The following METAP1 variants were observed in gnomAD, a reference collection of about 807,000 sequenced individuals.
METAP1 encodes the protein methionyl aminopeptidase 1.
In METAP1, 28 loss-of-function variants were observed where a neutral mutation model predicts 53.8. The observed-to-expected ratio is 0.52, with a 90% CI of 0.39 to 0.71. The LOEUF is 0.71. METAP1 is among the 30% of genes least tolerant of loss of function. The pLI is 0.00. For missense variants in METAP1, 389 were observed against 479.8 expected (o/e 0.81, Z 1.77); for synonymous variants, 181 against 165.7 (o/e 1.09, Z -0.71).
At chr4:99,012,137 G>A (rs1723504586) in intron 1 of METAP1, among the ~76,000 whole-genome samples, 1 of 151,978 alleles carries the variant, frequency 6.6e-6, no homozygotes, top group African/African-American at 2.4e-5. Flanking sequence ...CTGGCCTCAG[G>A]CAGTCCTTCC....
intron 1 of METAP1, chr4:99,025,541 T>A (rs1724500588): frequency 2.3e-5 from 20 of 885,524 alleles, no homozygotes; most frequent in Non-Finnish European, 2.7e-5. Context: ...AAGAAAAGCA[T>A]TTCACAGGAT....
chr4:99,045,641 C>G (rs1019595191), intron 8 of METAP1, among the ~76,000 whole-genome samples: 1 of 152,088 alleles, frequency 6.6e-6, no homozygotes, highest in African/African-American at 2.4e-5. Context: ...ATTATGTTCT[C>G]CTCATAAAAA....
At chr4:99,013,717 A>G (rs1239078278) in intron 1 of METAP1, among the ~76,000 whole-genome samples, 1 of 152,202 alleles carries the variant, frequency 6.6e-6, no homozygotes, top group Non-Finnish European at 1.5e-5. Context: ...AGGACAAAGA[A>G]AAGAGGAAGT....
chr4:99,016,559 C>T (rs2110295923), intron 1 of METAP1, among the ~76,000 whole-genome samples: 1 of 152,282 alleles, frequency 6.6e-6, no homozygotes, highest in Non-Finnish European at 1.5e-5. Flanking sequence ...TCAATTAAGG[C>T]CGTCACTATA....
chr4:99,043,994 G>A (rs1726048734), intron 7 of METAP1, among the ~76,000 whole-genome samples: 1 of 152,092 alleles, frequency 6.6e-6, no homozygotes, highest in South Asian at 2.1e-4. Context: ...GTGCAGGGGC[G>A]CCACCATGGC....
At chr4:98,999,055 C>T (rs1722791561) in intron 1 of METAP1, among the ~76,000 whole-genome samples, 1 of 151,294 alleles carries the variant, frequency 6.6e-6, no homozygotes, top group Admixed American at 6.5e-5. Flanking sequence ...GATCCACCCT[C>T]CTTGGCCTCC....
At chr4:99,043,420 G>T (rs753784432) in intron 7 of METAP1, 33 bp downstream of exon 7, 33 of 1,554,956 alleles carry the variant, frequency 2.1e-5, no homozygotes, top group Non-Finnish European at 2.9e-5. Flanking sequence ...ATCACCATGG[G>T]CAAAGAAACA....
Position 99,031,471 on chromosome 4 carries a change from C to A in METAP1, c.166+2553C>A, listed in dbSNP as rs1336935292. On this transcript the variant is annotated intron_variant, in intron 2 of 10. Coordinates refer to ENST00000296411, the MANE Select transcript of METAP1 (RefSeq NM_015143.3). ...TAATACTTTTCCTTCCACTCCCCTA[C>A]CCATTCACACTAGTGTGCCTGATTT... is the stretch of plus-strand genomic sequence containing the variant. The A allele has an allele frequency of 3.9e-6, 5 of 1,284,452 alleles. No individual in the cohort carries two copies. In the South Asian group the frequency reaches 6.2e-5, roughly 16 times the overall value. The allele number at this position is 1,284,452 out of a possible 1,614,324, so 79.6% of individuals were successfully genotyped here.
At chr4:99,046,620 C>G (rs1238172470) in intron 8 of METAP1, among the ~76,000 whole-genome samples, 3 of 152,040 alleles carry the variant, frequency 2.0e-5, no homozygotes, top group Non-Finnish European at 4.4e-5. Context: ...ATACAGTTAT[C>G]TCTAATAATG....
intron 10 of METAP1, among the ~76,000 whole-genome samples, chr4:99,059,625 G>T (rs62325212): frequency 0.022 from 3,292 of 152,124 alleles, 46 homozygotes; most frequent in Non-Finnish European, 0.034. Flanking sequence ...AAGAAAGCTC[G>T]CAAATACATC....
intron 4 of METAP1, among the ~76,000 whole-genome samples, chr4:99,036,994 T>C (rs989569784): frequency 6.6e-6 from 1 of 152,062 alleles, no homozygotes; most frequent in Non-Finnish European, 1.5e-5. Context: ...GTTACAAAGC[T>C]TTATGATCTT....
At chr4:98,996,272 A>C (rs962083253) in intron 1 of METAP1, among the ~76,000 whole-genome samples, 1 of 152,322 alleles carries the variant, frequency 6.6e-6, no homozygotes, top group South Asian at 2.1e-4. Flanking sequence ...GAGCCTCCAC[A>C]TCCGCAGCAC....
At chr4:99,006,998 C>T (rs1723207509) in intron 1 of METAP1, among the ~76,000 whole-genome samples, 1 of 150,358 alleles carries the variant, frequency 6.7e-6, no homozygotes, top group Admixed American at 6.6e-5. Flanking sequence ...CATTCTGTTG[C>T]CCAGGCTACA....
chr4:99,037,329 T>C (rs1725503500), intron 4 of METAP1, among the ~76,000 whole-genome samples: 1 of 151,994 alleles, frequency 6.6e-6, no homozygotes, highest in South Asian at 2.1e-4. Context: ...TTATCAGTGT[T>C]TTATTTTACA....
intron 4 of METAP1, among the ~76,000 whole-genome samples, chr4:99,037,280 CATTT>C (rs1725500210): frequency 6.6e-6 from 1 of 151,810 alleles, no homozygotes; most frequent in Non-Finnish European, 1.5e-5. Context: ...TTTGTCATTA[CATTT>C]ATTACAGATT....
In METAP1 at chr4:98,997,338, A is replaced by G. The variant is rs149031702; in HGVS notation, c.114+1471A>G. On this transcript the variant is annotated intron_variant, in intron 1 of 10. Coordinates refer to ENST00000296411, the MANE Select transcript of METAP1 (RefSeq NM_015143.3). ...GACCTTGTTAGTATAATTTGGAAAA[A>G]CTTGCACGTGGAGGAGTGTTGCTTG... The G allele has an allele frequency of 6.2e-3, 941 of 152,986 alleles. 7 individuals are homozygous for G. The highest frequency in any genetic ancestry group is 6.4e-3 in the African/African-American group (267 of 41,578). 9.5% of individuals were successfully genotyped at this position (152,986 alleles called of 1,614,324 possible).
At chr4:99,042,735 A>G (rs1725966265) in intron 6 of METAP1, among the ~76,000 whole-genome samples, 1 of 152,164 alleles carries the variant, frequency 6.6e-6, no homozygotes, top group Non-Finnish European at 1.5e-5. Context: ...ATTCTAAAGT[A>G]AAATCTTCAT....
chr4:99,034,794 T>C (rs1725311164), intron 3 of METAP1, among the ~76,000 whole-genome samples: 1 of 152,288 alleles, frequency 6.6e-6, no homozygotes, highest in Non-Finnish European at 1.5e-5. Context: ...TATTATACTT[T>C]TCTAAAATTA....
In METAP1 at chr4:99,062,700, ATG is replaced by A; in HGVS notation, c.*1390_*1391del. On this transcript the variant is annotated 3_prime_UTR_variant, in exon 11 of 11. Transcript: ENST00000296411. ...TGAATCTGGTATAGACTTTGGGAGT[ATG>A]TGTGTGAAGTTTTTATCAAACTGTA... 1 of 152,630 alleles carries A rather than the reference ATG, an allele frequency of 6.6e-6. No homozygotes were observed. Among genetic ancestry groups the A allele is most frequent in the Non-Finnish European group, 1.5e-5 (1 of 68,034 alleles). 9.5% of individuals were successfully genotyped at this position (152,630 alleles called of 1,614,324 possible). A position where few individuals can be genotyped will look rare whatever the true frequency, so the allele number is the denominator to read the frequency against.
Sources: gnomAD v4.1 joint callset for allele counts (sites outside exome capture counted in the v4.1 genomes callset) on GRCh38, gnomAD v4.1.1 for gene constraint, MANE v1.5 for transcripts, NCBI Gene and HGNC (gene_info 2026-07-23, HGNC 2026-07-21) for gene names.